Variants in RHBDL2 observed in about 807,000 individuals in gnomAD.
RHBDL2 encodes rhomboid-related protein 2.
Under a neutral mutation model 31.7 loss-of-function variants are expected in RHBDL2, and 26 were observed. The ratio of observed to expected loss-of-function variants is 0.82; its 90% CI spans 0.60 to 1.14. The LOEUF (loss-of-function observed/expected upper bound fraction) is 1.14, where lower values mean the gene tolerates loss of function less well. Among genes scored for constraint, RHBDL2 ranks in the 50% most tolerant of loss-of-function variants. The pLI, the probability that RHBDL2 is intolerant of heterozygous loss-of-function variation, is 0.00. For missense variants in RHBDL2, 336 were observed against 364.4 expected, an observed-to-expected ratio of 0.92 and a Z score of 0.63; for synonymous variants, 123 against 127.2, an observed-to-expected ratio of 0.97 and a Z score of 0.22.
chr1:38,940,048 C>T (rs898838063), intron 1 of RHBDL2, among the ~76,000 whole-genome samples: 3 of 152,114 alleles, frequency 2.0e-5, no homozygotes, highest in African/African-American at 7.2e-5. Context: ...TAGAGTCTGA[C>T]CTAGACTTGA....
In RHBDL2 at chr1:38,901,339, G is replaced by A. The variant is rs572046329; in HGVS notation, c.509-5270C>T. Among the ~76,000 whole-genome samples the A allele has an allele frequency of 2.6e-5, 4 of 151,112 alleles. No individual in the cohort carries two copies. The East Asian group carries it at 5.8e-4, about 22-fold the overall frequency. On this transcript the variant is annotated intron_variant, in intron 4 of 7. Coordinates refer to ENST00000372990, the MANE Select transcript of RHBDL2 (RefSeq NM_017821.5). ...TAGCTGGGCTTGGTGGCAGGCACCT[G>A]TAATCCCAGCTACTCAGGAGGCCGA...
intron 2 of RHBDL2, among the ~76,000 whole-genome samples, chr1:38,917,075 T>C (rs1194181670): frequency 7.0e-6 from 1 of 142,952 alleles, no homozygotes; most frequent in African/African-American, 2.6e-5. Context: ...TGGAGTGCAG[T>C]GGCGTGATCT....
At chr1:38,927,564 G>A (rs2124349049) in intron 1 of RHBDL2, among the ~76,000 whole-genome samples, 1 of 149,906 alleles carries the variant, frequency 6.7e-6, no homozygotes, top group East Asian at 1.9e-4. Flanking sequence ...AAAAGGGCTT[G>A]CCATCTGCCT....
intron 1 of RHBDL2, among the ~76,000 whole-genome samples, chr1:38,938,593 G>A (rs1169200270): frequency 6.6e-6 from 1 of 152,048 alleles, no homozygotes; most frequent in East Asian, 1.9e-4. Flanking sequence ...TTAAGACTCT[G>A]TTCCTTACTA....
At chr1:38,927,266 A>G (rs1302404501) in intron 1 of RHBDL2, among the ~76,000 whole-genome samples, 1 of 152,054 alleles carries the variant, frequency 6.6e-6, no homozygotes. Context: ...TCTCTACTAA[A>G]AATACAAAAA....
chr1:38,934,832 C>T (rs896904501), intron 1 of RHBDL2, among the ~76,000 whole-genome samples: 1 of 151,744 alleles, frequency 6.6e-6, no homozygotes, highest in Non-Finnish European at 1.5e-5. Flanking sequence ...GTGGCAGGCA[C>T]CTGTAATCCC....
chr1:38,891,333 T>C (rs1642852915), intron 6 of RHBDL2, among the ~76,000 whole-genome samples: 4 of 151,784 alleles, frequency 2.6e-5, no homozygotes, highest in Non-Finnish European at 5.9e-5. Flanking sequence ...TACAAAATTA[T>C]ATACATTTCC....
At chr1:38,899,328 C>A (rs1642960288) in intron 4 of RHBDL2, among the ~76,000 whole-genome samples, 1 of 152,168 alleles carries the variant, frequency 6.6e-6, no homozygotes, top group Non-Finnish European at 1.5e-5. Flanking sequence ...TCGCTAAGGT[C>A]AAAGGTGGGG....
intron 4 of RHBDL2, among the ~76,000 whole-genome samples, chr1:38,899,336 G>A (rs972121065): frequency 4.6e-5 from 7 of 152,154 alleles, no homozygotes; most frequent in African/African-American, 9.7e-5. Flanking sequence ...GTCAAAGGTG[G>A]GGCAGACCTT....
chr1:38,909,469 T>C (rs1241475403), intron 4 of RHBDL2, among the ~76,000 whole-genome samples: 1 of 152,190 alleles, frequency 6.6e-6, no homozygotes, highest in Non-Finnish European at 1.5e-5. Context: ...TAAAGAATTT[T>C]CTTTAAAAAT....
chr1:38,915,331 G>C (rs116512928), intron 3 of RHBDL2, among the ~76,000 whole-genome samples: 2,884 of 151,828 alleles, frequency 0.019, 86 homozygotes, highest in African/African-American at 0.066. Flanking sequence ...CACTATATCA[G>C]CCAGGCTGGT....
At chr1:38,888,126 T>G in intron 6 of RHBDL2, 102 bp from the exon 7 acceptor site, 1 of 731,270 alleles carries the variant, frequency 1.4e-6, no homozygotes, top group Non-Finnish European at 2.4e-6. Context: ...TATCATTTAT[T>G]GATACTTAAC....
chr1:38,909,471 T>C (rs1274453781), intron 4 of RHBDL2, among the ~76,000 whole-genome samples: 1 of 152,190 alleles, frequency 6.6e-6, no homozygotes, highest in East Asian at 1.9e-4. Context: ...AAGAATTTTC[T>C]TTAAAAATTC....
intron 7 of RHBDL2, 142 bp downstream of exon 7, chr1:38,887,821 A>G (rs931849619): frequency 1.6e-5 from 10 of 607,018 alleles, no homozygotes; most frequent in Non-Finnish European, 2.9e-5. Context: ...GGACAATTCA[A>G]AAGTCTGATT....
intron 4 of RHBDL2, among the ~76,000 whole-genome samples, chr1:38,910,277 A>G (rs531058651): frequency 6.6e-6 from 1 of 152,304 alleles, no homozygotes; most frequent in East Asian, 1.9e-4. Context: ...TACCCTGACT[A>G]TATCAACGTG....
chr1:38,916,940 G>GA (rs1414189768), intron 2 of RHBDL2, among the ~76,000 whole-genome samples: 3 of 144,888 alleles, frequency 2.1e-5, no homozygotes, highest in South Asian at 2.2e-4. Context: ...TGAAAAAAAA[G>GA]AAAAAAATAC....
At chr1:38,928,412 G>A (rs1643402785) in intron 1 of RHBDL2, among the ~76,000 whole-genome samples, 1 of 150,364 alleles carries the variant, frequency 6.7e-6, no homozygotes, top group African/African-American at 2.5e-5. Flanking sequence ...AAAGTGCTGG[G>A]ATTACAGGGG....
intron 1 of RHBDL2, among the ~76,000 whole-genome samples, chr1:38,936,839 G>A (rs569110536): frequency 1.3e-4 from 20 of 152,066 alleles, no homozygotes; most frequent in Admixed American, 1.2e-3. Context: ...TCACCATGTT[G>A]GCCAGGCTGG....
chr1:38,905,851 A>G (rs897914817), intron 4 of RHBDL2, among the ~76,000 whole-genome samples: 3 of 152,008 alleles, frequency 2.0e-5, no homozygotes, highest in African/African-American at 7.2e-5. Flanking sequence ...GCAGATCATG[A>G]GGTCAGGAGT....
Sources: allele counts gnomAD v4.1 joint callset (sites outside exome capture counted in the v4.1 genomes callset), GRCh38; gene constraint gnomAD v4.1.1; transcripts MANE v1.5; gene names NCBI Gene and HGNC (gene_info 2026-07-23, HGNC 2026-07-21).